PCDHA6: variants seen among roughly 807,000 people sequenced by gnomAD.
PCDHA6 encodes protocadherin alpha-6.
PCDHA6 carries 55 observed loss-of-function variants against 60.3 expected under a neutral mutation model. That is an observed-to-expected ratio of 0.91 (90% confidence interval 0.73 to 1.14). The LOEUF (loss-of-function observed/expected upper bound fraction) is 1.14, where lower values mean the gene tolerates loss of function less well. PCDHA6 is among the 50% of genes most tolerant of loss of function. The probability of loss-of-function intolerance (pLI) is 0.00; values close to 1 mark genes in which losing one functional copy is unlikely to be tolerated. For missense variants in PCDHA6, 1,327 were observed against 1,256.5 expected (o/e 1.06, Z -0.85); for synonymous variants, 652 against 557.9 (o/e 1.17, Z -2.38).
At chr5:140,967,236 T>C (rs142898054) in intron 1 of PCDHA6, 53 of 1,613,562 alleles carry the variant, frequency 3.3e-5, no homozygotes, top group Non-Finnish European at 4.2e-5. Context: ...CAGCTTCAGG[T>C]AAGCGAATCG....
intron 1 of PCDHA6, chr5:140,876,123 C>T (rs782271666): frequency 6.2e-7 from 1 of 1,613,906 alleles, no homozygotes; most frequent in East Asian, 2.2e-5. Flanking sequence ...TAATCGATGG[C>T]GGTAAACCAG....
chr5:140,871,302 G>T lies in PCDHA6; in HGVS notation c.2394+40817G>T, dbSNP rs2052939724. ...CGCCCACTGAGGGCGCGTGCGCGCCGGGGAAGCCCACGCTGGTGTGCTCCC... is the reference window on the plus strand; with the variant it reads ...CGCCCACTGAGGGCGCGTGCGCGCCTGGGAAGCCCACGCTGGTGTGCTCCC... On this transcript the variant is annotated intron_variant, in intron 1 of 3. Coordinates refer to ENST00000529310, the MANE Select transcript of PCDHA6 (RefSeq NM_018909.4). 1.9e-6 allele frequency: 3 copies of T among 1,613,974 alleles called. 1 individual carries two copies. Among genetic ancestry groups the T allele is most frequent in the South Asian group, 2.2e-5 (2 of 91,078 alleles).
At chr5:141,007,156 G>A (rs1289202250) in intron 3 of PCDHA6, among the ~76,000 whole-genome samples, 2 of 152,148 alleles carry the variant, frequency 1.3e-5, no homozygotes, top group Non-Finnish European at 1.5e-5. Context: ...AACTGTCAAA[G>A]AACAGTCAGA....
In PCDHA6 at chr5:140,875,869, T is replaced by C. The variant is rs2055890630; in HGVS notation, c.2394+45384T>C. ...GGACATTAACGACAACCCGCCGGTG[T>C]TCAGAGAAAGGGAACAAAAGGTACC... On this transcript the variant is annotated intron_variant, in intron 1 of 3. Coordinates refer to ENST00000529310, the MANE Select transcript of PCDHA6 (RefSeq NM_018909.4). 4.3e-6 allele frequency: 7 copies of C among 1,614,170 alleles called. No individual in the cohort carries two copies. The East Asian group carries it at 1.6e-4, about 36-fold the overall frequency.
intron 1 of PCDHA6, chr5:140,927,106 A>C (rs782151576): frequency 6.2e-7 from 1 of 1,613,678 alleles, no homozygotes; most frequent in Non-Finnish European, 8.5e-7. Context: ...GGATCTACCC[A>C]GCGGCAATTT....
At chr5:140,965,314 T>C (rs563123453) in intron 1 of PCDHA6, among the ~76,000 whole-genome samples, 1 of 152,254 alleles carries the variant, frequency 6.6e-6, no homozygotes, top group East Asian at 1.9e-4. Flanking sequence ...TACCTTCTCT[T>C]TTACTGAAGT....
chr5:140,927,843 C>G, intron 1 of PCDHA6: 2 of 1,614,186 alleles, frequency 1.2e-6, no homozygotes, highest in Non-Finnish European at 1.7e-6. Flanking sequence ...ACGAAGGTGT[C>G]TTTGGTTTAG....
intron 1 of PCDHA6, among the ~76,000 whole-genome samples, chr5:140,910,365 A>G (rs1554194228): frequency 6.6e-6 from 1 of 152,164 alleles, no homozygotes; most frequent in Non-Finnish European, 1.5e-5. Flanking sequence ...TATGGTAGCT[A>G]TGCCCACCTT....
chr5:140,856,374 T>C, intron 1 of PCDHA6: 3 of 1,598,376 alleles, frequency 1.9e-6, no homozygotes, highest in Non-Finnish European at 2.6e-6. Flanking sequence ...GAGGTGATCG[T>C]GGACAGGCCG....
rs138197407 is a variant in PCDHA6, at chr5:140,857,304, C to T, written c.2394+26819C>T. On this transcript the variant is annotated intron_variant, in intron 1 of 3. Coordinates refer to ENST00000529310, the MANE Select transcript of PCDHA6 (RefSeq NM_018909.4). The stretch of plus-strand genomic sequence containing the variant: ...GCTCTGGACCGCGAGAGGGTGTCGG[C>T]CTATGAGCTGGTGGTGACCGCGCGG... 1.9e-5 allele frequency: 30 copies of T among 1,598,646 alleles called. No homozygotes were observed. In the African/African-American group the frequency reaches 3.6e-4, roughly 19 times the overall value.
At chr5:140,993,571 G>A (rs1298531948) in intron 3 of PCDHA6, among the ~76,000 whole-genome samples, 1 of 151,484 alleles carries the variant, frequency 6.6e-6, no homozygotes, top group Non-Finnish European at 1.5e-5. Flanking sequence ...TCCTTTCTAG[G>A]GATGCTTTTC....
chr5:140,922,441 A>G (rs2080844983), intron 1 of PCDHA6, among the ~76,000 whole-genome samples: 1 of 152,216 alleles, frequency 6.6e-6, no homozygotes, highest in Non-Finnish European at 1.5e-5. Flanking sequence ...GAACTCTCTC[A>G]TTATCCTATT....
intron 1 of PCDHA6, chr5:140,929,129 C>A (rs1206531954): frequency 6.2e-7 from 1 of 1,614,052 alleles, no homozygotes; most frequent in East Asian, 2.2e-5. Context: ...GATGTCACTA[C>A]AGTTGAGAGA....
At chr5:140,864,370 C>T (rs185774022) in intron 1 of PCDHA6, 45 of 152,264 alleles carry the variant, frequency 3.0e-4, no homozygotes, top group African/African-American at 8.2e-4. Flanking sequence ...TTTCTATAAT[C>T]GATAAGTTTA....
intron 2 of PCDHA6, among the ~76,000 whole-genome samples, chr5:140,980,631 A>G (rs1272240071): frequency 6.6e-6 from 1 of 152,222 alleles, no homozygotes; most frequent in Non-Finnish European, 1.5e-5. Flanking sequence ...TCTGTCTCAG[A>G]AGAATAAATA....
intron 1 of PCDHA6, among the ~76,000 whole-genome samples, chr5:140,974,875 A>G (rs934874769): frequency 1.6e-4 from 24 of 152,174 alleles, no homozygotes; most frequent in Non-Finnish European, 1.9e-4. Context: ...GGAACAGTCT[A>G]TGTATCCCTT....
chr5:140,921,129 C>T (rs998046424), intron 1 of PCDHA6, among the ~76,000 whole-genome samples: 1 of 139,232 alleles, frequency 7.2e-6, no homozygotes, highest in South Asian at 2.4e-4. Context: ...TACAGGTGCA[C>T]ACCACTACAC....
intron 1 of PCDHA6, chr5:140,843,413 G>C: frequency 1.3e-6 from 2 of 1,596,100 alleles, no homozygotes; most frequent in South Asian, 1.1e-5. Context: ...GGATGTCAAC[G>C]TGTACCTGAT....
At position 140,828,445 on chromosome 5, in the gene PCDHA6, T is replaced by C; in HGVS notation, c.354T>C (p.His118=). ...VIVDRPLQVF[H]VDVEVRDIND... is the part of the protein sequence containing the mutation. ...TGGACAGGCCGCTGCAGGTTTTCCA[T>C]GTGGACGTGGAGGTGAGGGACATTA... is the stretch of plus-strand genomic sequence containing the variant. Residue 118 remains histidine (H), a synonymous_variant, in exon 1 of 4, where the codon CAT becomes CAC. Transcript: ENST00000529310. The C allele has an allele frequency of 6.2e-7, 1 of 1,614,218 alleles. No homozygotes were observed.
Sources: allele counts gnomAD v4.1 joint callset (sites outside exome capture counted in the v4.1 genomes callset), GRCh38; gene constraint gnomAD v4.1.1; transcripts MANE v1.5; gene names NCBI Gene and HGNC (gene_info 2026-07-23, HGNC 2026-07-21).